The following LRP5 variants were observed in gnomAD, a reference collection of about 807,000 sequenced individuals.
The protein encoded by LRP5 is LDL receptor related protein 5.
Under a neutral mutation model 154.1 loss-of-function variants are expected in LRP5, and 62 were observed. The observed-to-expected ratio is 0.40, with a 90% CI of 0.33 to 0.50. LRP5 has a LOEUF of 0.50. Ranked by LOEUF, LRP5 falls within the 20% of genes least tolerant of loss-of-function variation. The probability of loss-of-function intolerance (pLI) is 0.55; values close to 1 mark genes in which losing one functional copy is unlikely to be tolerated. For synonymous variants in LRP5, 966 were observed against 1,011.5 expected (o/e 0.96, Z 0.85); for missense variants, 1,915 against 2,336.7 (o/e 0.82, Z 3.72).
chr11:68,446,372 G>C, intron 21 of LRP5, 64 bp from the exon 22 acceptor site: 1 of 1,115,626 alleles, frequency 9.0e-7, no homozygotes, highest in Non-Finnish European at 1.4e-6. Flanking sequence ...CGAGGGGTGT[G>C]GGAGGAAGGA....
rs994285693 is a variant in LRP5, at chr11:68,353,593, G to T, written c.489-4057G>T. Among the ~76,000 whole-genome samples, 6 of 152,200 alleles carry T rather than the reference G, an allele frequency of 3.9e-5. No homozygotes were observed. The highest frequency in any genetic ancestry group is 3.3e-4 in the Admixed American group (5 of 15,282). ...CTGTCCTGAGAGTGGGGACAGTGGA[G>T]GGTGGGTTTGTCCTCTGTCCTGGCC... On this transcript the variant is annotated intron_variant, in intron 2 of 22. Transcript: ENST00000294304. The surrounding 1 kb of genome is among the most constrained non-coding windows in gnomAD (Gnocchi z 4.5).
At chr11:68,421,069 A>T (rs2098665300) in intron 13 of LRP5, among the ~76,000 whole-genome samples, 1 of 152,032 alleles carries the variant, frequency 6.6e-6, no homozygotes, top group Admixed American at 6.6e-5. Context: ...TACTAAAAAT[A>T]CCAAAAAACT....
At chr11:68,404,307 C>T (rs531770443) in intron 8 of LRP5, 6 of 530,858 alleles carry the variant, frequency 1.1e-5, no homozygotes, top group African/African-American at 1.9e-5. Context: ...TGTGTCCTGC[C>T]GGGGTCCCAC....
intron 3 of LRP5, among the ~76,000 whole-genome samples, chr11:68,361,114 G>A (rs1296826152): frequency 6.7e-6 from 1 of 149,872 alleles, no homozygotes; most frequent in Non-Finnish European, 1.5e-5. Context: ...GATCATCCTG[G>A]CTAACACAGT....
chr11:68,448,798 G>A lies in LRP5; in HGVS notation c.4587-11G>A. 6.2e-7 allele frequency: 1 copy of A among 1,602,982 alleles called. No homozygotes were observed. Among genetic ancestry groups the A allele is most frequent in the Non-Finnish European group, 8.5e-7 (1 of 1,179,960 alleles). Reference sequence around the variant, plus strand: ...TACCGAATCCCACTCCTCTGTGTGTGTCCCTTTCAGGCCCTACATCATTCG... The same window carrying A: ...TACCGAATCCCACTCCTCTGTGTGTATCCCTTTCAGGCCCTACATCATTCG... On this transcript the variant is annotated splice_polypyrimidine_tract_variant and intron_variant, in intron 22 of 22. Transcript: ENST00000294304.
the LRP5 span, among the ~76,000 whole-genome samples, chr11:68,301,850 G>C: frequency 3.3e-5 from 5 of 151,760 alleles, no homozygotes; most frequent in South Asian, 2.1e-4. Flanking sequence ...GGATGGTCTC[G>C]ATCTCCTGAC....
chr11:68,432,819 GC>G (rs1263016263), intron 17 of LRP5, among the ~76,000 whole-genome samples: 1 of 152,220 alleles, frequency 6.6e-6, no homozygotes, highest in African/African-American at 2.4e-5. Context: ...TGTGTCCCCA[GC>G]CCATGGGACT....
At chr11:68,299,239 G>T in the LRP5 span, among the ~76,000 whole-genome samples, 1 of 152,220 alleles carries the variant, frequency 6.6e-6, no homozygotes, top group African/African-American at 2.4e-5. Context: ...AGGGGCACGT[G>T]GAAGGGCAGT....
intron 1 of LRP5, among the ~76,000 whole-genome samples, chr11:68,341,088 A>T (rs1411948175): frequency 7.9e-5 from 5 of 63,392 alleles, no homozygotes; most frequent in African/African-American, 3.7e-4. Context: ...TGCTATTACA[A>T]ATAAGGCCTC....
chr11:68,440,983 A>G (rs1029854304), intron 21 of LRP5, among the ~76,000 whole-genome samples: 1 of 151,990 alleles, frequency 6.6e-6, no homozygotes, highest in Non-Finnish European at 1.5e-5. Flanking sequence ...GGTCAGGCTG[A>G]TCTTGAACTC....
At chr11:68,324,713 G>T (rs1479535606) in intron 1 of LRP5, among the ~76,000 whole-genome samples, 1 of 152,256 alleles carries the variant, frequency 6.6e-6, no homozygotes, top group Non-Finnish European at 1.5e-5. Context: ...GTGCCCACTG[G>T]CAGAGCAGAG....
At chr11:68,441,063 T>G (rs2098677957) in intron 21 of LRP5, among the ~76,000 whole-genome samples, 3 of 151,938 alleles carry the variant, frequency 2.0e-5, no homozygotes, top group Non-Finnish European at 4.4e-5. Flanking sequence ...CCACCGCACC[T>G]GGCCTTTTTC....
chr11:68,298,980 G>A, the LRP5 span, among the ~76,000 whole-genome samples: 1 of 152,212 alleles, frequency 6.6e-6, no homozygotes, highest in Non-Finnish European at 1.5e-5. Context: ...CAAAGAGGAA[G>A]CTGCACAATA....
At chr11:68,299,830 G>A in the LRP5 span, among the ~76,000 whole-genome samples, 2 of 149,022 alleles carry the variant, frequency 1.3e-5, no homozygotes, top group African/African-American at 2.4e-5. Flanking sequence ...TGATCCGCCC[G>A]CCTCAGCCTC....
chr11:68,416,557 G>A (rs767100754), intron 13 of LRP5, 30 bp downstream of exon 13: 10 of 1,608,634 alleles, frequency 6.2e-6, no homozygotes, highest in Non-Finnish European at 6.8e-6. Context: ...GGTGCGGGGT[G>A]TGCTTCCCAA....
chr11:68,395,002 T>C (rs1374789345), intron 7 of LRP5, among the ~76,000 whole-genome samples: 2 of 151,932 alleles, frequency 1.3e-5, no homozygotes, highest in Admixed American at 6.6e-5. Flanking sequence ...TTGGAACACA[T>C]TGAGAGCAAC....
chr11:68,397,330 T>C (rs1303250204), intron 7 of LRP5, among the ~76,000 whole-genome samples: 2 of 152,182 alleles, frequency 1.3e-5, no homozygotes, highest in Non-Finnish European at 2.9e-5. Context: ...TGGCAGGGTC[T>C]GGCATCTCTG....
chr11:68,412,722 G>A (rs967605040), intron 11 of LRP5, among the ~76,000 whole-genome samples: 1 of 152,120 alleles, frequency 6.6e-6, no homozygotes, highest in African/African-American at 2.4e-5. Flanking sequence ...GGCAGACAAG[G>A]GAGGAGAGGG....
the LRP5 span, among the ~76,000 whole-genome samples, chr11:68,306,218 C>A: frequency 6.6e-6 from 1 of 152,186 alleles, no homozygotes. Flanking sequence ...TCACTGCAAC[C>A]TCCGCCTCCC....
Sources: allele counts gnomAD v4.1 joint callset (sites outside exome capture counted in the v4.1 genomes callset), GRCh38; gene constraint gnomAD v4.1.1; non-coding constraint Gnocchi (gnomAD v3.1); transcripts MANE v1.5; gene names NCBI Gene and HGNC (gene_info 2026-07-23, HGNC 2026-07-21).